MNAT1: variants seen among roughly 807,000 people sequenced by gnomAD.
MNAT1 encodes the protein CDK-activating kinase assembly factor MAT1.
A neutral mutation model predicts 42.0 loss-of-function variants in MNAT1; 43 were observed. The ratio of observed to expected loss-of-function variants is 1.02; its 90% confidence interval spans 0.80 to 1.32. The LOEUF (loss-of-function observed/expected upper bound fraction) is 1.32, where lower values mean the gene tolerates loss of function less well. Among genes scored for constraint, MNAT1 ranks in the 40% most tolerant of loss-of-function variants. The probability of loss-of-function intolerance (pLI) is 0.00; values close to 1 mark genes in which losing one functional copy is unlikely to be tolerated. For missense variants in MNAT1, 306 were observed against 350.4 expected (o/e 0.87, Z 1.01); for synonymous variants, 118 against 120.0 (o/e 0.98, Z 0.11).
At chr14:60,906,963 T>G (rs548651130) in intron 7 of MNAT1, among the ~76,000 whole-genome samples, 8 of 151,666 alleles carry the variant, frequency 5.3e-5, no homozygotes, top group Non-Finnish European at 1.2e-4. Flanking sequence ...GCTCCACCTT[T>G]CCACCCCCCA....
chr14:60,750,395 CTT>C (rs529893411), intron 1 of MNAT1, among the ~76,000 whole-genome samples: 1 of 151,468 alleles, frequency 6.6e-6, no homozygotes, highest in Non-Finnish European at 1.5e-5. Flanking sequence ...CCCGGCCAAT[CTT>C]TTTTGTATTT....
At chr14:60,785,817 G>A (rs537290181) in intron 1 of MNAT1, among the ~76,000 whole-genome samples, 2 of 152,230 alleles carry the variant, frequency 1.3e-5, no homozygotes, top group South Asian at 2.1e-4. Flanking sequence ...TGAGAGGATA[G>A]CCAACTGTTT....
intron 7 of MNAT1, among the ~76,000 whole-genome samples, chr14:60,951,788 A>AT (rs1227711127): frequency 6.7e-6 from 1 of 150,120 alleles, no homozygotes; most frequent in Non-Finnish European, 1.5e-5. Context: ...TTTACTGTGA[A>AT]TTTTTTTTTA....
At chr14:60,830,393 G>C (rs72722273) in intron 6 of MNAT1, among the ~76,000 whole-genome samples, 8,556 of 152,210 alleles carry the variant, frequency 0.056, 322 homozygotes, top group Non-Finnish European at 0.08. Context: ...ACTAGTTAGT[G>C]ATCTGTTGAA....
intron 1 of MNAT1, among the ~76,000 whole-genome samples, chr14:60,773,184 G>C (rs761569584): frequency 6.6e-6 from 1 of 152,048 alleles, no homozygotes; most frequent in Non-Finnish European, 1.5e-5. Context: ...TGACCTGCCC[G>C]CCTTTGCCTC....
chr14:60,772,629 A>G (rs568347671), intron 1 of MNAT1, among the ~76,000 whole-genome samples: 116 of 152,060 alleles, frequency 7.6e-4, no homozygotes, highest in African/African-American at 2.7e-3. Flanking sequence ...TGGCTTTCCA[A>G]AAAAAAATCA....
intron 7 of MNAT1, among the ~76,000 whole-genome samples, chr14:60,929,170 A>AATAT (rs57354716): frequency 0.022 from 1,036 of 47,376 alleles, 33 homozygotes; most frequent in South Asian, 0.091. Context: ...AAAAAAAAAA[A>AATAT]ATATATATAT....
intron 7 of MNAT1, among the ~76,000 whole-genome samples, chr14:60,905,679 G>C (rs2035181479): frequency 6.6e-6 from 1 of 152,148 alleles, no homozygotes; most frequent in South Asian, 2.1e-4. Flanking sequence ...GAGTATGAAG[G>C]CCCAAGAACC....
chr14:60,801,316 G>A (rs2032195149), intron 3 of MNAT1, among the ~76,000 whole-genome samples: 1 of 152,044 alleles, frequency 6.6e-6, no homozygotes, highest in Admixed American at 6.6e-5. Flanking sequence ...GGAGGCCTTA[G>A]TACCATAGAC....
Position 60,803,263 on chromosome 14 carries a change from T to G in MNAT1, c.317-5062T>G, listed in dbSNP as rs374467348. Among the ~76,000 whole-genome samples, 12 of 152,322 alleles carry G rather than the reference T, an allele frequency of 7.9e-5. No individual in the cohort carries two copies. In the South Asian group the frequency reaches 2.5e-3, roughly 32 times the overall value. On this transcript the variant is annotated intron_variant, in intron 3 of 7. Coordinates refer to ENST00000261245, the MANE Select transcript of MNAT1 (RefSeq NM_002431.4). ...ACTTCCTGTAAAAATCTTGTTTCAA[T>G]AGCTTTCTATTTTGTGTTGTATTCA...
chr14:60,955,493 C>T (rs890393820), intron 7 of MNAT1, among the ~76,000 whole-genome samples: 2 of 152,110 alleles, frequency 1.3e-5, no homozygotes, highest in Non-Finnish European at 2.9e-5. Flanking sequence ...GAAACCCCAT[C>T]TCTACTAAAA....
At position 60,907,896 on chromosome 14, in the gene MNAT1, A is replaced by T. The variant is rs554880333; in HGVS notation, c.809+28061A>T. Among the ~76,000 whole-genome samples, 161 of 152,124 alleles carry T rather than the reference A, an allele frequency of 1.1e-3. 8 individuals carry two copies. In the South Asian group the frequency reaches 0.031, roughly 29 times the overall value. On this transcript the variant is annotated intron_variant, in intron 7 of 7. Transcript: ENST00000261245. ...GAAATAAAATTTTTTATATTCTGCCAAACTCATCCTTATCACTAAGATATT... is the reference window on the plus strand; with the variant it reads ...GAAATAAAATTTTTTATATTCTGCCTAACTCATCCTTATCACTAAGATATT...
intron 1 of MNAT1, among the ~76,000 whole-genome samples, chr14:60,795,402 A>G (rs999183493): frequency 3.9e-5 from 6 of 152,176 alleles, no homozygotes; most frequent in Non-Finnish European, 7.3e-5. Context: ...CCAAGTCCCC[A>G]GGAATCTGGT....
intron 6 of MNAT1, among the ~76,000 whole-genome samples, chr14:60,832,330 A>C (rs1397069870): frequency 6.6e-6 from 1 of 152,158 alleles, no homozygotes; most frequent in African/African-American, 2.4e-5. Flanking sequence ...TTAAGTCTTT[A>C]ATCCTTCTTG....
At chr14:60,890,783 A>G (rs2034823931) in intron 7 of MNAT1, among the ~76,000 whole-genome samples, 1 of 152,198 alleles carries the variant, frequency 6.6e-6, no homozygotes, top group Non-Finnish European at 1.5e-5. Flanking sequence ...GCTTTATTCT[A>G]GCCACACTGG....
chr14:60,814,640 G>A lies in MNAT1; in HGVS notation c.561+2513G>A, dbSNP rs1393926486. ...TCAGTTAACCAGGAGTAAAAAAAGAGAAAGCAAGATTACTTAAATTATAAG... is the reference window on the plus strand; with the variant it reads ...TCAGTTAACCAGGAGTAAAAAAAGAAAAAGCAAGATTACTTAAATTATAAG... On this transcript the variant is annotated intron_variant, in intron 5 of 7. Transcript: ENST00000261245. Among the ~76,000 whole-genome samples, 4 of 152,208 alleles carry A rather than the reference G, an allele frequency of 2.6e-5. No individual in the cohort carries two copies. In the East Asian group the frequency reaches 7.7e-4, roughly 29 times the overall value.
At chr14:60,928,630 C>T (rs2035813919) in intron 7 of MNAT1, among the ~76,000 whole-genome samples, 2 of 152,006 alleles carry the variant, frequency 1.3e-5, no homozygotes, top group South Asian at 2.1e-4. Context: ...ATTACCCATC[C>T]ATATATCTTC....
intron 1 of MNAT1, among the ~76,000 whole-genome samples, chr14:60,787,716 C>G (rs901495432): frequency 1.3e-5 from 2 of 152,214 alleles, no homozygotes; most frequent in Non-Finnish European, 2.9e-5. Flanking sequence ...GTGTTCACAG[C>G]ATCTTCACCA....
At chr14:60,813,560 A>C (rs1286867681) in intron 5 of MNAT1, among the ~76,000 whole-genome samples, 1 of 152,192 alleles carries the variant, frequency 6.6e-6, no homozygotes, top group African/African-American at 2.4e-5. Context: ...TGATTCCACC[A>C]TATTAGTAAA....
Sources: allele counts gnomAD v4.1 joint callset (sites outside exome capture counted in the v4.1 genomes callset), GRCh38; gene constraint gnomAD v4.1.1; transcripts MANE v1.5; gene names NCBI Gene and HGNC (gene_info 2026-07-23, HGNC 2026-07-21).